The following MYO5C variants were observed in gnomAD, a reference collection of about 807,000 sequenced individuals.
MYO5C encodes unconventional myosin-Vc.
Under a neutral mutation model 235.7 loss-of-function variants are expected in MYO5C, and 194 were observed. That is an observed-to-expected ratio of 0.82 (90% CI 0.73 to 0.93). The LOEUF (loss-of-function observed/expected upper bound fraction) is 0.93, where lower values mean the gene tolerates loss of function less well. Ranked by LOEUF, MYO5C falls within the 40% of genes least tolerant of loss-of-function variation. The pLI is 0.00. For missense variants in MYO5C, 2,038 were observed against 2,127.2 expected, an observed-to-expected ratio of 0.96 and a Z score of 0.82; for synonymous variants, 707 against 754.8, an observed-to-expected ratio of 0.94 and a Z score of 1.04.
Position 52,295,709 on chromosome 15 carries a change from G to C in MYO5C, c.-73C>G, listed in dbSNP as rs2037489622. 1 of 1,134,554 alleles carries C rather than the reference G, an allele frequency of 8.8e-7. No individual in the cohort carries two copies. The highest frequency in any genetic ancestry group is 1.6e-5 in the African/African-American group (1 of 61,020). 70.3% of individuals were successfully genotyped at this position (1,134,554 alleles called of 1,614,324 possible). ...TCGGGGGCTGGGCCTGCGCCGCAGAGGCCGGGCGCAGGAGAGACCGCCGCG... is the reference window on the plus strand; with the variant it reads ...TCGGGGGCTGGGCCTGCGCCGCAGACGCCGGGCGCAGGAGAGACCGCCGCG... On this transcript the variant is annotated 5_prime_UTR_variant, in exon 1 of 41. Transcript: ENST00000261839.
chr15:52,234,411 T>A (rs2036032079), intron 23 of MYO5C, among the ~76,000 whole-genome samples: 1 of 152,200 alleles, frequency 6.6e-6, no homozygotes, highest in Admixed American at 6.5e-5. Context: ...CATGACATGG[T>A]CTCAGAAACA....
chr15:52,272,457 T>C, intron 6 of MYO5C, 123 bp downstream of exon 6: 1 of 940,170 alleles, frequency 1.1e-6, no homozygotes, highest in South Asian at 2.0e-5. Flanking sequence ...AAACTGCAAA[T>C]GAAAGACAAG....
rs150959530 is a variant in MYO5C at position 52,251,384 on chromosome 15, C to T, written c.1662+6G>A. 6.3e-6 allele frequency: 10 copies of T among 1,591,322 alleles called. No individual in the cohort carries two copies. Among genetic ancestry groups the T allele is most frequent in the South Asian group, 4.6e-5 (4 of 87,830 alleles). On this transcript the variant is annotated splice_donor_region_variant and intron_variant, in intron 13 of 40. Transcript: ENST00000261839. ...TTGACAGCATTGATGGAGACCTTCA[C>T]GGTACCTTATCAGCAAAGTGCTGGA... is the stretch of plus-strand genomic sequence containing the variant.
intron 14 of MYO5C, among the ~76,000 whole-genome samples, chr15:52,248,289 A>C (rs2036395594): frequency 6.6e-6 from 1 of 151,954 alleles, no homozygotes; most frequent in African/African-American, 2.4e-5. Flanking sequence ...GACTACAGGC[A>C]TGTCACCATT....
intron 1 of MYO5C, among the ~76,000 whole-genome samples, chr15:52,295,105 G>A (rs1408995823): frequency 6.6e-6 from 1 of 152,266 alleles, no homozygotes; most frequent in Non-Finnish European, 1.5e-5. Context: ...GCGGCCATAA[G>A]CTTCTATGCC....
Position 52,237,529 on chromosome 15 carries a change from G to A in MYO5C, c.2821C>T (p.Arg941Ter), listed in dbSNP as rs1397146740. The change falls in exon 22 of 41, where the codon CGA becomes TGA. Residue 941 changes from arginine to a stop codon, truncating the protein, a stop_gained. Coordinates refer to ENST00000261839, the MANE Select transcript of MYO5C (RefSeq NM_018728.4). LOFTEE classifies it high-confidence loss of function. ...AELEKAATHRRNYEEKGKRYR... is the reference protein window; with the variant it reads ...AELEKAATHR Reference sequence around the variant, plus strand: ...CTCTTCCCCTTCTCCTCGTAATTTCGCCTGTGAGTGGCTGCTTTTTCTAGT... The same window carrying A: ...CTCTTCCCCTTCTCCTCGTAATTTCACCTGTGAGTGGCTGCTTTTTCTAGT... The A allele has an allele frequency of 1.7e-5, 27 of 1,613,830 alleles. No individual in the cohort carries two copies. Among genetic ancestry groups the A allele is most frequent in the East Asian group, 6.7e-5 (3 of 44,898 alleles).
intron 38 of MYO5C, among the ~76,000 whole-genome samples, chr15:52,198,467 T>TA (rs1407467100): frequency 6.6e-6 from 1 of 152,216 alleles, no homozygotes; most frequent in Non-Finnish European, 1.5e-5. Flanking sequence ...TGTGAGATGA[T>TA]ATATCTTGGG....
chr15:52,198,943 G>T (rs2035120249), intron 38 of MYO5C, among the ~76,000 whole-genome samples: 1 of 151,538 alleles, frequency 6.6e-6, no homozygotes, highest in African/African-American at 2.4e-5. Context: ...GCCCAGGCTG[G>T]AGTGCAGTGG....
chr15:52,236,512 CA>C (rs2036089118), intron 22 of MYO5C, among the ~76,000 whole-genome samples: 1 of 152,082 alleles, frequency 6.6e-6, no homozygotes, highest in African/African-American at 2.4e-5. Context: ...CCACCTCTAC[CA>C]AAAATACAAA....
At chr15:52,205,314 G>A (rs1566960942) in intron 37 of MYO5C, 167 bp from the exon 38 acceptor site, 1 of 755,224 alleles carries the variant, frequency 1.3e-6, no homozygotes, top group East Asian at 2.7e-5. Flanking sequence ...ACCAGGGTGT[G>A]TGTCAGGGTT....
chr15:52,253,583 C>G (rs1461595601), intron 11 of MYO5C, 126 bp from the exon 12 acceptor site: 3 of 911,558 alleles, frequency 3.3e-6, no homozygotes, highest in African/African-American at 3.4e-5. Flanking sequence ...AAAGAAGGAC[C>G]CTGAAGTATA....
At chr15:52,201,053 CAA>C (rs945134996) in intron 38 of MYO5C, among the ~76,000 whole-genome samples, 4 of 151,986 alleles carry the variant, frequency 2.6e-5, no homozygotes, top group Non-Finnish European at 5.9e-5. Flanking sequence ...GGGACAATAA[CAA>C]AAAGTCTTTA....
chr15:52,194,329 A>T (rs1217209174), intron 40 of MYO5C, among the ~76,000 whole-genome samples: 1 of 152,208 alleles, frequency 6.6e-6, no homozygotes, highest in Admixed American at 6.5e-5. Flanking sequence ...TTCTATTCTA[A>T]TCTATTCTCA....
In MYO5C at chr15:52,218,659, T is replaced by C. The variant is rs2035607740; in HGVS notation, c.3814A>G (p.Thr1272Ala). Residue 1272 changes from threonine to alanine, a missense_variant, in exon 32 of 41, where the codon ACC becomes GCC. Coordinates refer to ENST00000261839, the MANE Select transcript of MYO5C (RefSeq NM_018728.4). ...KALEAQNEIH[T>A]KEKEKLIDKI... Reference sequence around the variant, plus strand: ...TCAATCAGCTTCTCCTTCTCTTTGGTATGTATTTCATTTTGGGCTTCCAAG... The same window carrying C: ...TCAATCAGCTTCTCCTTCTCTTTGGCATGTATTTCATTTTGGGCTTCCAAG... The C allele has an allele frequency of 4.3e-6, 7 of 1,614,036 alleles. No individual in the cohort carries two copies. The highest frequency in any genetic ancestry group is 5.9e-6 in the Non-Finnish European group (7 of 1,180,026).
intron 1 of MYO5C, among the ~76,000 whole-genome samples, chr15:52,290,411 AC>A (rs764451126): frequency 6.6e-6 from 1 of 152,110 alleles, no homozygotes; most frequent in Non-Finnish European, 1.5e-5. Context: ...AAAAATCGTT[AC>A]GCTGAACTTT....
intron 1 of MYO5C, among the ~76,000 whole-genome samples, chr15:52,285,925 C>T (rs913284337): frequency 6.6e-6 from 1 of 152,130 alleles, no homozygotes; most frequent in Non-Finnish European, 1.5e-5. Context: ...TCTGTCTGGC[C>T]GCCATCCCAT....
chr15:52,286,650 T>G (rs1596235826), intron 1 of MYO5C, among the ~76,000 whole-genome samples: 1 of 152,136 alleles, frequency 6.6e-6, no homozygotes, highest in South Asian at 2.1e-4. Context: ...CCCCCAACCC[T>G]GTGCTCTCTG....
chr15:52,292,575 A>G (rs1057169944), intron 1 of MYO5C, among the ~76,000 whole-genome samples: 1 of 152,242 alleles, frequency 6.6e-6, no homozygotes, highest in African/African-American at 2.4e-5. Flanking sequence ...AAATAACATC[A>G]TCCATATCAT....
chr15:52,280,277 C>G (rs927602508), intron 2 of MYO5C, among the ~76,000 whole-genome samples: 1 of 152,202 alleles, frequency 6.6e-6, no homozygotes, highest in African/African-American at 2.4e-5. Context: ...TGCCCACATG[C>G]CCGAGGGCTC....
Sources: allele counts gnomAD v4.1 joint callset (sites outside exome capture counted in the v4.1 genomes callset), GRCh38; gene constraint gnomAD v4.1.1; transcripts MANE v1.5; gene names NCBI Gene and HGNC (gene_info 2026-07-23, HGNC 2026-07-21).